Variants in LRMDA observed in about 807,000 individuals in gnomAD.
LRMDA encodes the protein leucine rich melanocyte differentiation associated.
LRMDA carries 18 observed loss-of-function variants against 29.8 expected under a neutral mutation model. The observed-to-expected ratio is 0.60, with a 90% CI of 0.42 to 0.90. The LOEUF (loss-of-function observed/expected upper bound fraction) is 0.90. Among genes scored for constraint, LRMDA ranks in the 40% least tolerant of loss-of-function variants. The pLI is 0.00. For missense variants in LRMDA, 273 were observed against 273.9 expected, an observed-to-expected ratio of 1.00 and a Z score of 0.02; for synonymous variants, 125 against 109.4, an observed-to-expected ratio of 1.14 and a Z score of -0.89.
At chr10:76,117,370 C>T (rs886490706) in intron 5 of LRMDA, among the ~76,000 whole-genome samples, 3 of 152,150 alleles carry the variant, frequency 2.0e-5, no homozygotes, top group Non-Finnish European at 4.4e-5. Context: ...CTTTAAATAG[C>T]TCTTCTTGTT....
chr10:76,034,910 G>A (rs1428193598), intron 2 of LRMDA, among the ~76,000 whole-genome samples: 1 of 152,092 alleles, frequency 6.6e-6, no homozygotes, highest in Non-Finnish European at 1.5e-5. Context: ...CGAGCTGGGA[G>A]TCTGTGTCTC....
At chr10:76,392,504 CTT>C (rs1180745328) in intron 6 of LRMDA, among the ~76,000 whole-genome samples, 1 of 151,910 alleles carries the variant, frequency 6.6e-6, no homozygotes, top group East Asian at 1.9e-4. Flanking sequence ...TTGTATTATA[CTT>C]ACCAGCTGAG....
At chr10:76,200,829 T>C (rs2132232163) in intron 5 of LRMDA, among the ~76,000 whole-genome samples, 1 of 151,326 alleles carries the variant, frequency 6.6e-6, no homozygotes, top group Admixed American at 6.6e-5. Context: ...GCTATTCTCC[T>C]GCCTCAGCCT....
intron 5 of LRMDA, among the ~76,000 whole-genome samples, chr10:76,176,730 T>C (rs1589364526): frequency 6.6e-6 from 1 of 152,026 alleles, no homozygotes; most frequent in Admixed American, 6.6e-5. Flanking sequence ...GAGGCGGAGG[T>C]TGCAGTGAGC....
At chr10:76,112,564 C>T (rs1180992150) in intron 5 of LRMDA, among the ~76,000 whole-genome samples, 1 of 152,232 alleles carries the variant, frequency 6.6e-6, no homozygotes, top group Non-Finnish European at 1.5e-5. Context: ...GGAAGGTCTC[C>T]CAGGTCCGCA....
intron 2 of LRMDA, among the ~76,000 whole-genome samples, chr10:75,748,793 A>G (rs1842919223): frequency 6.6e-6 from 1 of 152,234 alleles, no homozygotes; most frequent in African/African-American, 2.4e-5. Context: ...AATGTTCAAT[A>G]TAAGACTCCT....
chr10:76,203,777 CTAT>C, intron 5 of LRMDA, among the ~76,000 whole-genome samples: 1 of 150,230 alleles, frequency 6.7e-6, no homozygotes, highest in South Asian at 2.1e-4. Context: ...CTACCCATCT[CTAT>C]TTCATGTGCC....
chr10:76,327,255 C>T (rs182488631), intron 6 of LRMDA, among the ~76,000 whole-genome samples: 1 of 152,154 alleles, frequency 6.6e-6, no homozygotes, highest in East Asian at 1.9e-4. Context: ...CCATGCCTGG[C>T]TAATTTTTTG....
chr10:75,987,577 T>C (rs1167176149), intron 2 of LRMDA, among the ~76,000 whole-genome samples: 1 of 152,194 alleles, frequency 6.6e-6, no homozygotes, highest in Non-Finnish European at 1.5e-5. Context: ...TCCTGTATTA[T>C]GGTTAGTGGG....
intron 2 of LRMDA, among the ~76,000 whole-genome samples, chr10:76,024,955 G>A (rs1413696579): frequency 3.9e-5 from 6 of 152,180 alleles, no homozygotes; most frequent in Non-Finnish European, 8.8e-5. Flanking sequence ...GCCCCATGGC[G>A]AGGTGCACGC....
rs116581781 is a variant in LRMDA at position 75,782,730 on chromosome 10, C to T, written c.132-253278C>T. On this transcript the variant is annotated intron_variant, in intron 2 of 6. Transcript: ENST00000611255. The stretch of plus-strand genomic sequence containing the variant: ...GGCACTTGTGAGATGGAGACCGGGG[C>T]GAAACTGCAAGCAGATGCCCTTTGC... 3,854 of 1,322,096 alleles carry T rather than the reference C, an allele frequency of 2.9e-3. 54 individuals carry two copies. The African/African-American group carries it at 0.03, about 10-fold the overall frequency. The allele number at this position is 1,322,096 out of a possible 1,614,324, so 81.9% of individuals were successfully genotyped here. A position where few individuals can be genotyped will look rare whatever the true frequency, so the allele number is the denominator to read the frequency against.
At chr10:76,406,270 G>A (rs529658208) in intron 6 of LRMDA, among the ~76,000 whole-genome samples, 49 of 152,290 alleles carry the variant, frequency 3.2e-4, no homozygotes, top group African/African-American at 1.1e-3. Flanking sequence ...TTTAATGTCT[G>A]TTCTGTGGCA....
chr10:76,203,595 C>T (rs917858664), intron 5 of LRMDA, among the ~76,000 whole-genome samples: 1 of 152,222 alleles, frequency 6.6e-6, no homozygotes, highest in African/African-American at 2.4e-5. Context: ...CTTTGTAAAA[C>T]AAAACAAAGC....
intron 2 of LRMDA, among the ~76,000 whole-genome samples, chr10:75,799,017 G>C (rs907583759): frequency 1.3e-5 from 2 of 152,054 alleles, no homozygotes; most frequent in Non-Finnish European, 2.9e-5. Context: ...GCAATTTTTG[G>C]ATATAGTGTT....
chr10:76,231,028 G>T (rs1265862824), intron 5 of LRMDA, among the ~76,000 whole-genome samples: 1 of 152,134 alleles, frequency 6.6e-6, no homozygotes, highest in Non-Finnish European at 1.5e-5. Context: ...AGGGTTTTAT[G>T]TTAATCTTTT....
At chr10:75,719,711 TC>T (rs571595540) in intron 2 of LRMDA, among the ~76,000 whole-genome samples, 2 of 152,270 alleles carry the variant, frequency 1.3e-5, no homozygotes, top group South Asian at 4.1e-4. Context: ...AATGAAGTGT[TC>T]CGCCTCCTGT....
At chr10:76,110,224 G>A (rs762777562) in intron 5 of LRMDA, among the ~76,000 whole-genome samples, 1 of 152,086 alleles carries the variant, frequency 6.6e-6, no homozygotes, top group African/African-American at 2.4e-5. Flanking sequence ...TGAGTTGGCC[G>A]ATCTGTTCCA....
chr10:75,576,430 GT>G, intron 2 of LRMDA, among the ~76,000 whole-genome samples: 1 of 152,244 alleles, frequency 6.6e-6, no homozygotes, highest in East Asian at 1.9e-4. Context: ...GGAAGGGGCA[GT>G]TGGGGGGTGC....
chr10:75,723,649 T>C (rs1339842526), intron 2 of LRMDA, among the ~76,000 whole-genome samples: 2 of 152,122 alleles, frequency 1.3e-5, no homozygotes, highest in African/African-American at 4.8e-5. Flanking sequence ...TGGCTCCATA[T>C]AGACAGAAAG....
Sources: allele counts gnomAD v4.1 joint callset (sites outside exome capture counted in the v4.1 genomes callset), GRCh38; gene constraint gnomAD v4.1.1; transcripts MANE v1.5; gene names NCBI Gene and HGNC (gene_info 2026-07-23, HGNC 2026-07-21).